NPSR1: variants seen among roughly 807,000 people sequenced by gnomAD.
The protein encoded by NPSR1 is neuropeptide S receptor.
A neutral mutation model predicts 46.9 loss-of-function variants in NPSR1; 48 were observed. The observed-to-expected ratio is 1.02, with a 90% CI of 0.81 to 1.30. The LOEUF is 1.30. NPSR1 is among the 50% of genes most tolerant of loss of function. The pLI, the probability that NPSR1 is intolerant of heterozygous loss-of-function variation, is 0.00. For synonymous variants in NPSR1, 176 were observed against 168.1 expected, an observed-to-expected ratio of 1.05 and a Z score of -0.36; for missense variants, 450 against 449.5, an observed-to-expected ratio of 1.00 and a Z score of -0.01.
intron 3 of NPSR1, among the ~76,000 whole-genome samples, chr7:34,799,109 G>A (rs1054109428): frequency 1.1e-4 from 17 of 152,034 alleles, no homozygotes; most frequent in African/African-American, 4.1e-4. Flanking sequence ...AAAAATTGGA[G>A]CATAAATTAT....
At chr7:34,863,278 C>G (rs1171144172) in intron 8 of NPSR1, among the ~76,000 whole-genome samples, 1 of 151,812 alleles carries the variant, frequency 6.6e-6, no homozygotes, top group Middle Eastern at 3.2e-3. Flanking sequence ...TATAAAAACC[C>G]TAGAAGAAAA....
chr7:34,755,140 T>C (rs1246245553), intron 2 of NPSR1, among the ~76,000 whole-genome samples: 16 of 152,214 alleles, frequency 1.1e-4, no homozygotes. Flanking sequence ...GGTATGTAAC[T>C]AGAAGCAGAA....
At chr7:34,854,267 G>C (rs966000607), downstream of NPSR1, among the ~76,000 whole-genome samples, 5 of 152,134 alleles carry the variant, frequency 3.3e-5, no homozygotes, top group African/African-American at 1.2e-4. Flanking sequence ...AAACAGCTGG[G>C]ATAAACAGAA....
chr7:34,728,346 A>G (rs1367681020), intron 2 of NPSR1, among the ~76,000 whole-genome samples: 1 of 152,170 alleles, frequency 6.6e-6, no homozygotes, highest in Non-Finnish European at 1.5e-5. Flanking sequence ...ATTCTGGGCC[A>G]AGGAGGCATG....
chr7:34,860,510 T>C (rs1365232884), intron 8 of NPSR1, among the ~76,000 whole-genome samples: 1 of 151,884 alleles, frequency 6.6e-6, no homozygotes, highest in Non-Finnish European at 1.5e-5. Context: ...GTGAGAAAAG[T>C]GACATTGTTT....
intron 2 of NPSR1, among the ~76,000 whole-genome samples, chr7:34,693,563 T>C (rs1266839122): frequency 6.6e-6 from 1 of 152,160 alleles, no homozygotes; most frequent in East Asian, 1.9e-4. Context: ...TTATCAGATG[T>C]ACAAAGAAAA....
At chr7:34,819,470 A>C (rs1789437189) in intron 4 of NPSR1, among the ~76,000 whole-genome samples, 2 of 152,230 alleles carry the variant, frequency 1.3e-5, no homozygotes. Flanking sequence ...TGTTGGTGGG[A>C]GTGTACATTA....
intron 3 of NPSR1, among the ~76,000 whole-genome samples, chr7:34,782,904 A>T (rs905773268): frequency 2.0e-5 from 3 of 152,136 alleles, no homozygotes; most frequent in Admixed American, 2.0e-4. Flanking sequence ...AAACAGTACA[A>T]CCAAAACAAA....
intron 6 of NPSR1, among the ~76,000 whole-genome samples, chr7:34,843,505 GT>G (rs1449975219): frequency 6.6e-6 from 1 of 152,236 alleles, no homozygotes; most frequent in Non-Finnish European, 1.5e-5. Flanking sequence ...TTACACATGA[GT>G]TTTCGCAGGG....
intron 2 of NPSR1, among the ~76,000 whole-genome samples, chr7:34,705,083 T>C (rs1323875183): frequency 6.6e-6 from 1 of 152,174 alleles, no homozygotes; most frequent in Non-Finnish European, 1.5e-5. Context: ...TATATACATA[T>C]TTTTTGCCTG....
chr7:34,790,107 G>C (rs1438952035), intron 3 of NPSR1, among the ~76,000 whole-genome samples: 1 of 152,032 alleles, frequency 6.6e-6, no homozygotes, highest in East Asian at 1.9e-4. Flanking sequence ...ATGAACATAG[G>C]TTTAAAAATC....
At chr7:34,658,656 A>T in intron 1 of NPSR1, 97 bp downstream of exon 1, 1 of 1,198,784 alleles carries the variant, frequency 8.3e-7, no homozygotes, top group East Asian at 2.4e-5. Flanking sequence ...AGTATTGTGA[A>T]TGAGTGTTAT....
intron 2 of NPSR1, among the ~76,000 whole-genome samples, chr7:34,731,301 C>A (rs1784407079): frequency 6.6e-6 from 1 of 151,938 alleles, no homozygotes; most frequent in South Asian, 2.1e-4. Flanking sequence ...AAGATACACA[C>A]AAAATGCAAT....
chr7:34,681,382 A>G (rs1013207324), intron 1 of NPSR1, among the ~76,000 whole-genome samples: 1 of 152,162 alleles, frequency 6.6e-6, no homozygotes, highest in African/African-American at 2.4e-5. Flanking sequence ...GCTCCAGTCA[A>G]CTGCTGTTAA....
chr7:34,676,076 G>A (rs1792301954), intron 1 of NPSR1, among the ~76,000 whole-genome samples: 1 of 152,080 alleles, frequency 6.6e-6, no homozygotes, highest in Admixed American at 6.5e-5. Flanking sequence ...CCGATAGACT[G>A]GTACCGAAAA....
chr7:34,732,778 A>T (rs1032693200), intron 2 of NPSR1, among the ~76,000 whole-genome samples: 24 of 152,322 alleles, frequency 1.6e-4, no homozygotes, highest in African/African-American at 5.5e-4. Context: ...CAGCAGTCAC[A>T]TCTCAACTAG....
chr7:34,697,428 A>G lies in NPSR1; in HGVS notation c.280+12744A>G, dbSNP rs140814234. On this transcript the variant is annotated intron_variant, in intron 2 of 8. Transcript: ENST00000360581. Reference sequence around the variant, plus strand: ...ATGCAGTATTTGAATATGCAAATATATATGTTTATATATAGAGTTATTCCC... The same window carrying G: ...ATGCAGTATTTGAATATGCAAATATGTATGTTTATATATAGAGTTATTCCC... 8.2e-4 allele frequency among the ~76,000 whole-genome samples: 124 copies of G among 151,768 alleles called. 1 individual carries two copies. Among genetic ancestry groups the G allele is most frequent in the African/African-American group, 2.7e-3 (112 of 41,384 alleles).
At chr7:34,733,290 G>T (rs1784514075) in intron 2 of NPSR1, among the ~76,000 whole-genome samples, 1 of 152,038 alleles carries the variant, frequency 6.6e-6, no homozygotes, top group African/African-American at 2.4e-5. Flanking sequence ...CACGATGGCG[G>T]TTGCCTGTAA....
At chr7:34,837,552 A>G (rs957398581) in intron 6 of NPSR1, among the ~76,000 whole-genome samples, 2 of 152,236 alleles carry the variant, frequency 1.3e-5, no homozygotes, top group African/African-American at 2.4e-5. Flanking sequence ...GTTTGAGAAT[A>G]CTGCACAGGC....
Sources: allele counts gnomAD v4.1 joint callset (sites outside exome capture counted in the v4.1 genomes callset), GRCh38; gene constraint gnomAD v4.1.1; transcripts MANE v1.5; gene names NCBI Gene and HGNC (gene_info 2026-07-23, HGNC 2026-07-21).